Variants in SLC35A3 observed in about 807,000 individuals in gnomAD.
SLC35A3 encodes solute carrier family 35 member A3, also known as UDP-N-acetylglucosamine transporter.
In SLC35A3, 26 loss-of-function variants were observed where a neutral mutation model predicts 39.0. The ratio of observed to expected loss-of-function variants is 0.67; its 90% CI spans 0.49 to 0.92. SLC35A3 has a LOEUF of 0.92. SLC35A3 is among the 40% of genes least tolerant of loss of function. The probability of loss-of-function intolerance (pLI) is 0.00; values close to 1 mark genes in which losing one functional copy is unlikely to be tolerated. For missense variants in SLC35A3, 299 were observed against 371.6 expected (o/e 0.80, Z 1.61); for synonymous variants, 135 against 133.1 (o/e 1.01, Z -0.10).
At chr1:100,011,560 A>G (rs1557841695) in intron 5 of SLC35A3, 27 bp downstream of exon 5, 4 of 928,412 alleles carry the variant, frequency 4.3e-6, no homozygotes, top group Non-Finnish European at 6.1e-6. Context: ...TTCTAATATT[A>G]TTTTAAAAAT....
Position 100,034,489 on chromosome 1 carries a change from G to GTAGT in SLC35A3, c.*12014_*12017dup, listed in dbSNP as rs1443588871. ...GCCTCTGCTTCATATTGTCTAGAGG[G>GTAGT]TAGTATTTTCTATTGATTGAAAAGT... On this transcript the variant is annotated 3_prime_UTR_variant, in exon 8 of 8. Transcript: ENST00000533028. The GTAGT allele has an allele frequency of 6.6e-5, 10 of 152,226 alleles. No homozygotes were observed. Among genetic ancestry groups the GTAGT allele is most frequent in the African/African-American group, 2.4e-4 (10 of 41,528 alleles). The allele number at this position is 152,226 out of a possible 1,614,324, so 9.4% of individuals were successfully genotyped here.
At chr1:100,018,015 G>A (rs1468122849) in intron 7 of SLC35A3, 200 bp downstream of exon 7, 3 of 347,986 alleles carry the variant, frequency 8.6e-6, no homozygotes, top group South Asian at 9.8e-5. Context: ...AATTTGGTTG[G>A]CCAGAATTTT....
At chr1:100,001,509 T>C (rs1246090844) in intron 3 of SLC35A3, among the ~76,000 whole-genome samples, 1 of 152,144 alleles carries the variant, frequency 6.6e-6, no homozygotes, top group East Asian at 1.9e-4. Flanking sequence ...TAGCTTGTTA[T>C]TGGTTTATAG....
chr1:100,001,751 TATG>T (rs1658826945), intron 3 of SLC35A3, among the ~76,000 whole-genome samples: 1 of 152,208 alleles, frequency 6.6e-6, no homozygotes, highest in Admixed American at 6.5e-5. Flanking sequence ...CCGCATTCAG[TATG>T]ATATTAGTTG....
chr1:100,011,766 C>T (rs1345604819), intron 5 of SLC35A3, among the ~76,000 whole-genome samples: 1 of 151,278 alleles, frequency 6.6e-6, no homozygotes, highest in Non-Finnish European at 1.5e-5. Flanking sequence ...CTCGCCCAGG[C>T]TGGAGTGCAG....
rs1370797068 is a variant in SLC35A3 at position 100,027,452 on chromosome 1, AAAAC to A, written c.*4984_*4987del. The A allele has an allele frequency of 5.7e-6, 2 of 350,078 alleles. No homozygotes were observed. Among genetic ancestry groups the A allele is most frequent in the East Asian group, 4.2e-5 (1 of 24,066 alleles). The allele number at this position is 350,078 out of a possible 1,614,324, so 21.7% of individuals were successfully genotyped here. A position where few individuals can be genotyped will look rare whatever the true frequency, so the allele number is the denominator to read the frequency against. The stretch of plus-strand genomic sequence containing the variant: ...GAGTGACAGTGAGACTCTGTCTCAA[AAAAC>A]AAACAAAACAAAAACTGAAACAACA... On this transcript the variant is annotated 3_prime_UTR_variant, in exon 8 of 8. Coordinates refer to ENST00000533028, the MANE Select transcript of SLC35A3 (RefSeq NM_012243.3).
At chr1:99,999,219 C>A (rs752751998) in intron 2 of SLC35A3, 42 bp from the exon 3 acceptor site, 1 of 1,290,406 alleles carries the variant, frequency 7.7e-7, no homozygotes, top group Non-Finnish European at 1.1e-6. Flanking sequence ...GTAACTTATT[C>A]AGAGTTACTT....
chr1:99,986,114 A>T (rs1166276830), intron 1 of SLC35A3, among the ~76,000 whole-genome samples: 1 of 150,498 alleles, frequency 6.6e-6, no homozygotes, highest in Non-Finnish European at 1.5e-5. Flanking sequence ...TTAAATTTTA[A>T]TTCTTTATAG....
At position 100,034,160 on chromosome 1, in the gene SLC35A3, T is replaced by C. The variant is rs1661385349; in HGVS notation, c.*11684T>C. 1 of 152,176 alleles carries C rather than the reference T, an allele frequency of 6.6e-6. No individual in the cohort carries two copies. Among genetic ancestry groups the C allele is most frequent in the South Asian group, 2.1e-4 (1 of 4,836 alleles). 9.4% of individuals were successfully genotyped at this position (152,176 alleles called of 1,614,324 possible). A position where few individuals can be genotyped will look rare whatever the true frequency, so the allele number is the denominator to read the frequency against. On this transcript the variant is annotated 3_prime_UTR_variant, in exon 8 of 8. Coordinates refer to ENST00000533028, the MANE Select transcript of SLC35A3 (RefSeq NM_012243.3). Reference sequence around the variant, plus strand: ...TTGGAAATGACATTTTGTTTGTTGTTTTTTACCTAGAGACCCAGATAATTT... The same window carrying C: ...TTGGAAATGACATTTTGTTTGTTGTCTTTTACCTAGAGACCCAGATAATTT...
At chr1:99,990,297 G>A (rs1319358538) in intron 1 of SLC35A3, among the ~76,000 whole-genome samples, 6 of 151,920 alleles carry the variant, frequency 3.9e-5, no homozygotes, top group East Asian at 1.9e-4. Flanking sequence ...TATATCTGGC[G>A]GGGCACGGTG....
At chr1:100,013,088 T>C (rs1408764287) in intron 5 of SLC35A3, among the ~76,000 whole-genome samples, 1 of 152,208 alleles carries the variant, frequency 6.6e-6, no homozygotes, top group Non-Finnish European at 1.5e-5. Flanking sequence ...CAAAGGAATA[T>C]TATGCAACTG....
Position 100,029,096 on chromosome 1 carries a change from A to G in SLC35A3, c.*6620A>G, listed in dbSNP as rs511487. On this transcript the variant is annotated 3_prime_UTR_variant, in exon 8 of 8. Coordinates refer to ENST00000533028, the MANE Select transcript of SLC35A3 (RefSeq NM_012243.3). The stretch of plus-strand genomic sequence containing the variant: ...CCAGATTTTTATTGAGAGAGGCTCT[A>G]TTAGTTGGCATGGTTGGTTGATTTT... The G allele has an allele frequency of 0.091, 13,912 of 152,226 alleles. 1,142 individuals carry two copies. The highest frequency in any genetic ancestry group is 0.22 in the African/African-American group (9,001 of 41,466). The allele number at this position is 152,226 out of a possible 1,614,324, so 9.4% of individuals were successfully genotyped here.
chr1:100,030,038 A>G lies in SLC35A3; in HGVS notation c.*7562A>G, dbSNP rs1238754553. On this transcript the variant is annotated 3_prime_UTR_variant, in exon 8 of 8. Transcript: ENST00000533028. ...TAATTTTAAATTAGGCATTCCTATC[A>G]CCATTATAAGGAAGAGCTAAAACCT... 1 of 152,156 alleles carries G rather than the reference A, an allele frequency of 6.6e-6. No individual in the cohort carries two copies. Among genetic ancestry groups the G allele is most frequent in the East Asian group, 1.9e-4 (1 of 5,194 alleles). The allele number at this position is 152,156 out of a possible 1,614,324, so 9.4% of individuals were successfully genotyped here.
intron 1 of SLC35A3, among the ~76,000 whole-genome samples, chr1:99,978,759 T>A (rs1657269268): frequency 6.6e-6 from 1 of 152,206 alleles, no homozygotes; most frequent in Non-Finnish European, 1.5e-5. Context: ...TTGTTGTTAC[T>A]GAGTCCAGAA....
intron 1 of SLC35A3, among the ~76,000 whole-genome samples, chr1:99,987,670 T>A (rs985722076): frequency 1.3e-5 from 2 of 152,168 alleles, no homozygotes; most frequent in African/African-American, 4.8e-5. Flanking sequence ...ATATTATATA[T>A]ATTACAATAA....
At position 100,032,369 on chromosome 1, in the gene SLC35A3, T is replaced by C. The variant is rs190377298; in HGVS notation, c.*9893T>C. On this transcript the variant is annotated 3_prime_UTR_variant, in exon 8 of 8. Transcript: ENST00000533028. ...TCTACATTTATTAGTTTATATTCTT[T>C]TTTAAAATAAAAAAGTATATTTCCC... 31 of 152,308 alleles carry C rather than the reference T, an allele frequency of 2.0e-4. No individual in the cohort carries two copies. The highest frequency in any genetic ancestry group is 7.2e-4 in the African/African-American group (30 of 41,578). The allele number at this position is 152,308 out of a possible 1,614,324, so 9.4% of individuals were successfully genotyped here.
chr1:99,993,705 A>C lies in SLC35A3; in HGVS notation c.151A>C (p.Ile51Leu). ...TAVVVAELLK[I>L]MACILLVYKD... Reference sequence around the variant, plus strand: ...AGTGGTTGTTGCTGAACTTTTGAAGATAATGGCCTGCATTTTATTGGTCTA... The same window carrying C: ...AGTGGTTGTTGCTGAACTTTTGAAGCTAATGGCCTGCATTTTATTGGTCTA... The change falls in exon 2 of 8, where the codon ATA becomes CTA. Residue 51 changes from isoleucine to leucine, a missense_variant. Coordinates refer to ENST00000533028, the MANE Select transcript of SLC35A3 (RefSeq NM_012243.3). 1 of 1,614,032 alleles carries C rather than the reference A, an allele frequency of 6.2e-7. No homozygotes were observed. Among genetic ancestry groups the C allele is most frequent in the Non-Finnish European group, 8.5e-7 (1 of 1,179,972 alleles).
At chr1:100,001,281 C>T (rs892629220) in intron 3 of SLC35A3, among the ~76,000 whole-genome samples, 1 of 152,028 alleles carries the variant, frequency 6.6e-6, no homozygotes, top group Non-Finnish European at 1.5e-5. Context: ...TGTCCTGAAT[C>T]CGAAGATCGC....
chr1:100,002,741 T>C (rs984903424), intron 3 of SLC35A3, among the ~76,000 whole-genome samples: 3 of 152,022 alleles, frequency 2.0e-5, no homozygotes, highest in Admixed American at 1.3e-4. Flanking sequence ...CTCAGCCTCC[T>C]GAATAGCTGA....
Sources: allele counts gnomAD v4.1 joint callset (sites outside exome capture counted in the v4.1 genomes callset), GRCh38; gene constraint gnomAD v4.1.1; transcripts MANE v1.5; gene names NCBI Gene and HGNC (gene_info 2026-07-23, HGNC 2026-07-21).